CELF5: variants seen among roughly 807,000 people sequenced by gnomAD.
CELF5 encodes the protein CUGBP Elav-like family member 5, also known as CUG-BP and ETR-3 like factor 5.
A neutral mutation model predicts 54.9 loss-of-function variants in CELF5; 6 were observed. The ratio of observed to expected loss-of-function variants is 0.11; its 90% CI spans 0.06 to 0.22. CELF5 has a LOEUF of 0.22. Ranked by LOEUF, CELF5 falls within the 10% of genes least tolerant of loss-of-function variation. The pLI, the probability that CELF5 is intolerant of heterozygous loss-of-function variation, is 1.00. For missense variants in CELF5, 401 were observed against 678.6 expected (o/e 0.59, Z 4.54); for synonymous variants, 271 against 290.9 (o/e 0.93, Z 0.70).
intron 4 of CELF5, among the ~76,000 whole-genome samples, chr19:3,276,304 A>C (rs1599461187): frequency 1.9e-5 from 1 of 53,992 alleles, no homozygotes; most frequent in African/African-American, 7.7e-5. Flanking sequence ...GCCCTTGGGG[A>C]GAGGTGTGGC....
chr19:3,248,854 C>CTTCT (rs764511114), intron 1 of CELF5, among the ~76,000 whole-genome samples: 1 of 27,528 alleles, frequency 3.6e-5, no homozygotes, highest in Non-Finnish European at 9.2e-5. Context: ...TTCTTTCTTT[C>CTTCT]TTCCTTCCTT....
intron 1 of CELF5, among the ~76,000 whole-genome samples, chr19:3,238,056 A>AG (rs1555717845): frequency 2.0e-5 from 3 of 149,930 alleles, no homozygotes; most frequent in Non-Finnish European, 4.4e-5. Flanking sequence ...CTCAAAAAAA[A>AG]GAGAATATCT....
At chr19:3,236,366 G>A (rs183642265) in intron 1 of CELF5, among the ~76,000 whole-genome samples, 2 of 152,244 alleles carry the variant, frequency 1.3e-5, no homozygotes, top group African/African-American at 4.8e-5. Flanking sequence ...TTCCCATTTG[G>A]TGGATGAGAC....
intron 1 of CELF5, among the ~76,000 whole-genome samples, chr19:3,240,322 TTTTC>T (rs1314706899): frequency 1.4e-5 from 2 of 147,732 alleles, no homozygotes; most frequent in Non-Finnish European, 3.0e-5. Flanking sequence ...TGGCCCTTCT[TTTTC>T]TTTCTTTCTT....
chr19:3,249,474 C>T (rs2079617215), intron 1 of CELF5, among the ~76,000 whole-genome samples: 1 of 152,142 alleles, frequency 6.6e-6, no homozygotes, highest in African/African-American at 2.4e-5. Flanking sequence ...CACTCTGGGC[C>T]ACCAGAGGGC....
At chr19:3,231,856 G>A (rs1034795927) in intron 1 of CELF5, among the ~76,000 whole-genome samples, 1 of 151,518 alleles carries the variant, frequency 6.6e-6, no homozygotes, top group Non-Finnish European at 1.5e-5. Flanking sequence ...ATGCATGAAT[G>A]AATGAGTGAA....
chr19:3,261,879 C>G (rs1042027929), intron 2 of CELF5, among the ~76,000 whole-genome samples: 1 of 152,002 alleles, frequency 6.6e-6, no homozygotes, highest in African/African-American at 2.4e-5. Context: ...TTTGCTGAAG[C>G]CTGTTCTAGG....
chr19:3,273,260 T>C (rs983789312), intron 2 of CELF5, among the ~76,000 whole-genome samples: 2 of 152,086 alleles, frequency 1.3e-5, no homozygotes, highest in African/African-American at 4.8e-5. Context: ...CTCAAGCAGC[T>C]GCAGTCAGCT....
chr19:3,250,842 C>T (rs575151049), intron 1 of CELF5, 143 bp from the exon 2 acceptor site: 11 of 629,366 alleles, frequency 1.7e-5, no homozygotes, highest in Middle Eastern at 2.6e-4. Flanking sequence ...TATTCCGTTG[C>T]GTGGATGCAC....
intron 8 of CELF5, 112 bp from the exon 9 acceptor site, chr19:3,284,790 G>A (rs2080206933): frequency 6.5e-6 from 6 of 922,614 alleles, no homozygotes; most frequent in Non-Finnish European, 8.7e-6. Flanking sequence ...GTTTAGCACA[G>A]AGGAGAAGCT....
intron 2 of CELF5, among the ~76,000 whole-genome samples, chr19:3,266,309 T>G (rs1415149141): frequency 6.6e-6 from 1 of 151,870 alleles, no homozygotes; most frequent in African/African-American, 2.4e-5. Flanking sequence ...TTTTAGCTAG[T>G]CTTCAGTTTG....
intron 1 of CELF5, among the ~76,000 whole-genome samples, chr19:3,248,483 T>G (rs2145050546): frequency 6.6e-6 from 1 of 152,250 alleles, no homozygotes; most frequent in East Asian, 1.9e-4. Context: ...GTTTTGTGTC[T>G]GGCTTATTTC....
intron 1 of CELF5, among the ~76,000 whole-genome samples, chr19:3,243,632 C>T (rs1289989205): frequency 6.6e-6 from 1 of 152,084 alleles, no homozygotes; most frequent in African/African-American, 2.4e-5. Context: ...GGGAACTGTA[C>T]GAGTTTGCAG....
rs779605836 is a variant in CELF5, at chr19:3,268,533, G to A, written c.343-5339G>A. Among the ~76,000 whole-genome samples, 1 of 152,184 alleles carries A rather than the reference G, an allele frequency of 6.6e-6. No homozygotes were observed. Among genetic ancestry groups the A allele is most frequent in the Non-Finnish European group, 1.5e-5 (1 of 68,044 alleles). ...GGCACCAGCTCTTGGGTGACTTCCC[G>A]TGCCAGGCACTGTGCCCGGCATGCT... On this transcript the variant is annotated intron_variant, in intron 2 of 12. Coordinates refer to ENST00000292672, the MANE Select transcript of CELF5 (RefSeq NM_021938.4). The surrounding 1 kb of genome is among the most constrained non-coding windows in gnomAD (Gnocchi z 4.4).
chr19:3,247,802 C>T (rs567927125), intron 1 of CELF5, among the ~76,000 whole-genome samples: 1 of 152,162 alleles, frequency 6.6e-6, no homozygotes, highest in East Asian at 1.9e-4. Flanking sequence ...TGCTCTGTTG[C>T]CCAGGCTGGA....
intron 1 of CELF5, among the ~76,000 whole-genome samples, chr19:3,237,030 C>T (rs1160561224): frequency 2.2e-5 from 3 of 139,228 alleles, no homozygotes; most frequent in Non-Finnish European, 4.6e-5. Flanking sequence ...ATGGCTACTC[C>T]GGCCAGGCGT....
Position 3,278,540 on chromosome 19 carries a change from G to A in CELF5, c.603+430G>A, listed in dbSNP as rs571128509. Among the ~76,000 whole-genome samples, 6 of 152,182 alleles carry A rather than the reference G, an allele frequency of 3.9e-5. No individual in the cohort carries two copies. Among genetic ancestry groups the A allele is most frequent in the African/African-American group, 1.4e-4 (6 of 41,532 alleles). On this transcript the variant is annotated intron_variant, in intron 5 of 12. Transcript: ENST00000292672. This position sits in a 1 kb window ranked among gnomAD's most constrained non-coding sequence, Gnocchi z 4.5. ...TGGATAAGTGTGCCATTGTGTGCTA[G>A]TGTAGAGATACTAGTGCGTGTGCGT...
chr19:3,274,667 T>G (rs1014727273), intron 3 of CELF5, among the ~76,000 whole-genome samples: 14 of 152,274 alleles, frequency 9.2e-5, no homozygotes, highest in African/African-American at 3.1e-4. Context: ...AATCTAGTCA[T>G]TCTTGGAAAT....
intron 1 of CELF5, among the ~76,000 whole-genome samples, chr19:3,227,957 C>T (rs989664539): frequency 1.3e-5 from 2 of 151,940 alleles, no homozygotes; most frequent in African/African-American, 4.8e-5. Flanking sequence ...CCGAAGGTGG[C>T]GTGGGGGCAG....
Sources: gnomAD v4.1 joint callset for allele counts (sites outside exome capture counted in the v4.1 genomes callset) on GRCh38, gnomAD v4.1.1 for gene constraint, Gnocchi (gnomAD v3.1) non-coding constraint, MANE v1.5 for transcripts, NCBI Gene and HGNC (gene_info 2026-07-23, HGNC 2026-07-21) for gene names.